GOLM1: variants seen among roughly 807,000 people sequenced by gnomAD.
GOLM1 encodes the protein golgi membrane protein 1, also known as epididymis luminal protein 46.
In GOLM1, 31 loss-of-function variants were observed where a neutral mutation model predicts 50.5. The ratio of observed to expected loss-of-function variants is 0.61; its 90% CI spans 0.46 to 0.83. The LOEUF (loss-of-function observed/expected upper bound fraction) is 0.83, where lower values mean the gene tolerates loss of function less well. GOLM1 is among the 40% of genes least tolerant of loss of function. The pLI, the probability that GOLM1 is intolerant of heterozygous loss-of-function variation, is 0.00. For missense variants in GOLM1, 491 were observed against 501.3 expected (o/e 0.98, Z 0.20); for synonymous variants, 178 against 192.8 (o/e 0.92, Z 0.64).
Position 86,027,517 on chromosome 9 carries a change from C to A in GOLM1, c.*300G>T. On this transcript the variant is annotated 3_prime_UTR_variant, in exon 10 of 10. Transcript: ENST00000388712. ...AAGTTATATTCCAGAATCAGGAAGC[C>A]CCGCTGTCGCCAACACTTGAAGGAG... is the stretch of plus-strand genomic sequence containing the variant. 1 of 1,169,160 alleles carries A rather than the reference C, an allele frequency of 8.6e-7. No homozygotes were observed. The highest frequency in any genetic ancestry group is 1.1e-6 in the Non-Finnish European group (1 of 945,986). The allele number at this position is 1,169,160 out of a possible 1,614,324, so 72.4% of individuals were successfully genotyped here. A position where few individuals can be genotyped will look rare whatever the true frequency, so the allele number is the denominator to read the frequency against.
chr9:86,065,716 G>A (rs1037588135), intron 3 of GOLM1, among the ~76,000 whole-genome samples: 1 of 152,162 alleles, frequency 6.6e-6, no homozygotes, highest in Non-Finnish European at 1.5e-5. Flanking sequence ...AAGAATGACT[G>A]TCTCCTAAAG....
intron 3 of GOLM1, among the ~76,000 whole-genome samples, chr9:86,058,463 C>G (rs935566956): frequency 2.0e-5 from 3 of 152,052 alleles, no homozygotes; most frequent in African/African-American, 4.8e-5. Context: ...AATCCCAGCA[C>G]TTTGGGAGGC....
rs1564340977 is a variant in GOLM1, at chr9:86,035,889, A to AAAAC, written c.758-265_758-264insGTTT. Among the ~76,000 whole-genome samples, 32 of 150,376 alleles carry AAAAC rather than the reference A, an allele frequency of 2.1e-4. 2 individuals carry two copies. The highest frequency in any genetic ancestry group is 7.4e-4 in the African/African-American group (30 of 40,558). On this transcript the variant is annotated intron_variant, in intron 7 of 9. Transcript: ENST00000388712. ...ACCAAAAAAAAAAACAAAACAAAAA[A>AAAAC]AAAAAAACACCTGGACTAAATTACC...
intron 1 of GOLM1, chr9:86,085,062 AAGACAGTT>A (rs1479287480): frequency 7.5e-6 from 1 of 133,236 alleles, no homozygotes; most frequent in African/African-American, 3.5e-5. Flanking sequence ...AACAAACAAA[AAGACAGTT>A]AGGCCTACAA....
intron 7 of GOLM1, 147 bp from the exon 8 acceptor site, chr9:86,035,772 A>G (rs1833113746): frequency 3.0e-6 from 2 of 671,684 alleles, no homozygotes; most frequent in African/African-American, 3.8e-5. Context: ...GAGAACAACC[A>G]GGTAGCTCCT....
chr9:86,034,410 G>A (rs1327659195), intron 8 of GOLM1, among the ~76,000 whole-genome samples: 1 of 152,178 alleles, frequency 6.6e-6, no homozygotes, highest in Admixed American at 6.5e-5. Context: ...AGAAGCAGGT[G>A]CATCCTGCAG....
At chr9:86,078,694 T>C (rs2118851121) in intron 2 of GOLM1, among the ~76,000 whole-genome samples, 1 of 152,314 alleles carries the variant, frequency 6.6e-6, no homozygotes, top group Admixed American at 6.5e-5. Flanking sequence ...TGCTCAGCAC[T>C]GCACCTGACC....
intron 6 of GOLM1, 99 bp from the exon 7 acceptor site, chr9:86,036,606 CCAT>C (rs1833155236): frequency 2.5e-6 from 3 of 1,218,634 alleles, no homozygotes; most frequent in East Asian, 2.5e-5. Context: ...AATCCCACCA[CCAT>C]ATCCTTCCAA....
chr9:86,084,695 T>G (rs981193914), intron 1 of GOLM1, among the ~76,000 whole-genome samples: 2 of 152,116 alleles, frequency 1.3e-5, no homozygotes, highest in African/African-American at 2.4e-5. Flanking sequence ...CCAAAACAGG[T>G]CCAACCTGTC....
intron 8 of GOLM1, among the ~76,000 whole-genome samples, chr9:86,033,965 CTTTT>C (rs36119587): frequency 4.3e-5 from 6 of 138,530 alleles, no homozygotes; most frequent in African/African-American, 1.1e-4. Flanking sequence ...TAAACAAAAT[CTTTT>C]TTTTTTTTTT....
In GOLM1 at chr9:86,035,472, G is replaced by C. The variant is rs1212305782; in HGVS notation, c.911C>G (p.Ala304Gly). ...GELGQTPQVQ[A>G]ALSVSQENPE... is the part of the protein sequence containing the mutation. ...ATTTTCCTGGCTCACTGACAGGGCA[G>C]CCTGCACCTGTGGGGTCTGGCCCAG... Residue 304 changes from alanine to glycine, a missense_variant, in exon 8 of 10, where the codon GCT becomes GGT. Physicochemically the swap from Ala to Gly is moderately conservative, Grantham distance 60. Coordinates refer to ENST00000388712, the MANE Select transcript of GOLM1 (RefSeq NM_016548.4). The C allele has an allele frequency of 6.2e-6, 10 of 1,613,674 alleles. No individual in the cohort carries two copies. The highest frequency in any genetic ancestry group is 7.6e-6 in the Non-Finnish European group (9 of 1,179,950).
intron 1 of GOLM1, among the ~76,000 whole-genome samples, chr9:86,098,239 T>C (rs1835411535): frequency 6.6e-6 from 1 of 151,936 alleles, no homozygotes; most frequent in Non-Finnish European, 1.5e-5. Flanking sequence ...GTTACTAGTT[T>C]CTATTAAGAA....
intron 4 of GOLM1, among the ~76,000 whole-genome samples, chr9:86,050,193 G>A (rs4531126): frequency 0.17 from 25,907 of 152,174 alleles, 2,665 homozygotes; most frequent in African/African-American, 0.3. Flanking sequence ...TGTTGAACCA[G>A]CCTTGCATCC....
In GOLM1 at chr9:86,090,577, G is replaced by GC. The variant is rs950802934; in HGVS notation, c.-22+8833dup. ...TACTCCAGCCTCAGCAATGGCGGATGCCCCTCCCCTCTACCAAGCTCGAGC... is the reference window on the plus strand; with the variant it reads ...TACTCCAGCCTCAGCAATGGCGGATGCCCCCTCCCCTCTACCAAGCTCGAGC... On this transcript the variant is annotated intron_variant, in intron 1 of 9. Transcript: ENST00000388712. Among the ~76,000 whole-genome samples the GC allele has an allele frequency of 3.9e-5, 6 of 152,196 alleles. No homozygotes were observed. In the East Asian group the frequency reaches 1.2e-3, roughly 30 times the overall value.
intron 9 of GOLM1, among the ~76,000 whole-genome samples, chr9:86,031,776 A>G (rs899239893): frequency 9.9e-5 from 15 of 151,782 alleles, no homozygotes; most frequent in African/African-American, 3.4e-4. Context: ...GTCTATTTCT[A>G]AGAACATTCC....
chr9:86,031,449 GTTTTTTTTTTTTT>G (rs774806772), intron 9 of GOLM1, among the ~76,000 whole-genome samples: 1 of 79,542 alleles, frequency 1.3e-5, no homozygotes, highest in South Asian at 5.7e-4. Context: ...TACCACTGAG[GTTTTTTTTTTTTT>G]TTTTTTTTTT....
intron 1 of GOLM1, chr9:86,079,729 T>C (rs1834732147): frequency 6.2e-6 from 1 of 162,470 alleles, no homozygotes; most frequent in Admixed American, 6.4e-5. Context: ...GCAGCAATGT[T>C]TGAGAAGTAA....
intron 4 of GOLM1, among the ~76,000 whole-genome samples, chr9:86,049,814 A>G (rs1321622337): frequency 1.3e-5 from 2 of 152,340 alleles, no homozygotes; most frequent in East Asian, 3.9e-4. Context: ...ATCTGCAAAC[A>G]GGGACAATTT....
At chr9:86,041,013 G>T (rs531880909) in intron 5 of GOLM1, 145 bp from the exon 6 acceptor site, 1 of 648,130 alleles carries the variant, frequency 1.5e-6, no homozygotes, top group South Asian at 2.1e-5. Flanking sequence ...AGGGCAACAC[G>T]GGTGTGTGTT....
Sources: gnomAD v4.1 joint callset for allele counts (sites outside exome capture counted in the v4.1 genomes callset) on GRCh38, gnomAD v4.1.1 for gene constraint, MANE v1.5 for transcripts, NCBI Gene and HGNC (gene_info 2026-07-23, HGNC 2026-07-21) for gene names.